Variants in BBS7 observed in about 807,000 individuals in gnomAD.
The protein encoded by BBS7 is BBSome complex member BBS7.
Under a neutral mutation model 90.3 loss-of-function variants are expected in BBS7, and 50 were observed. The observed-to-expected ratio is 0.55, with a 90% confidence interval of 0.44 to 0.70. The LOEUF is 0.70. BBS7 is among the 30% of genes least tolerant of loss of function. BBS7 has a pLI of 0.00. For missense variants in BBS7, 729 were observed against 838.9 expected, an observed-to-expected ratio of 0.87 and a Z score of 1.62; for synonymous variants, 235 against 287.4, an observed-to-expected ratio of 0.82 and a Z score of 1.85.
intron 1 of BBS7, among the ~76,000 whole-genome samples, chr4:121,868,829 G>C (rs189499238): frequency 1.1e-3 from 163 of 152,058 alleles, no homozygotes; most frequent in African/African-American, 2.7e-3. Context: ...AACTGTCACT[G>C]CTGGTGTATA....
intron 10 of BBS7, among the ~76,000 whole-genome samples, chr4:121,846,303 A>T (rs1468407450): frequency 6.6e-6 from 1 of 152,190 alleles, no homozygotes; most frequent in Non-Finnish European, 1.5e-5. Flanking sequence ...GCCACATGCA[A>T]ATGGAGTAAA....
At chr4:121,844,447 A>G (rs1391240392) in intron 11 of BBS7, among the ~76,000 whole-genome samples, 1 of 152,130 alleles carries the variant, frequency 6.6e-6, no homozygotes, top group Non-Finnish European at 1.5e-5. Context: ...AAGCTGTTGC[A>G]CTGTCCTATG....
intron 8 of BBS7, 118 bp downstream of exon 8, chr4:121,852,838 A>G: frequency 9.2e-7 from 1 of 1,082,000 alleles, no homozygotes; most frequent in Non-Finnish European, 1.4e-6. Context: ...CAAAATAGCA[A>G]TATTTTAAAC....
chr4:121,838,503 A>G (rs1278173219), intron 13 of BBS7, among the ~76,000 whole-genome samples: 1 of 152,168 alleles, frequency 6.6e-6, no homozygotes, highest in African/African-American at 2.4e-5. Context: ...TGCTATGGTA[A>G]GTATTTAATT....
At chr4:121,859,895 T>C (rs1290383822) in intron 4 of BBS7, among the ~76,000 whole-genome samples, 1 of 152,140 alleles carries the variant, frequency 6.6e-6, no homozygotes, top group Non-Finnish European at 1.5e-5. Flanking sequence ...TGAACTGAGT[T>C]TTCACTTGGG....
intron 12 of BBS7, among the ~76,000 whole-genome samples, chr4:121,843,300 C>T (rs1725836829): frequency 6.6e-6 from 1 of 152,090 alleles, no homozygotes; most frequent in African/African-American, 2.4e-5. Flanking sequence ...GAAGACGTCT[C>T]TGGTGGTAGT....
intron 9 of BBS7, among the ~76,000 whole-genome samples, chr4:121,848,180 G>A (rs1278565466): frequency 1.3e-5 from 2 of 152,146 alleles, no homozygotes; most frequent in Non-Finnish European, 2.9e-5. Context: ...AAGTAAGAGT[G>A]ATTGACTAAT....
chr4:121,857,619 T>TA (rs1419876660), intron 5 of BBS7, among the ~76,000 whole-genome samples: 2 of 152,110 alleles, frequency 1.3e-5, no homozygotes, highest in Non-Finnish European at 2.9e-5. Flanking sequence ...TACAGATCTT[T>TA]AGTAATTATT....
rs117626872 is a variant in BBS7, at chr4:121,857,470, G to A, written c.528+1522C>T. On this transcript the variant is annotated intron_variant, in intron 5 of 18. Transcript: ENST00000264499. ...TATTAAAATTTACAGATATCTACACGTAACTATATAAACACAAAAGAATAT... is the reference window on the plus strand; with the variant it reads ...TATTAAAATTTACAGATATCTACACATAACTATATAAACACAAAAGAATAT... Among the ~76,000 whole-genome samples, 113 of 152,186 alleles carry A rather than the reference G, an allele frequency of 7.4e-4. 1 individual carries two copies. In the East Asian group the frequency reaches 0.014, roughly 19 times the overall value.
chr4:121,861,568 A>C lies in BBS7; in HGVS notation c.277T>G (p.Phe93Val), dbSNP rs750813339. ...FIAAASEIRGFTKRGKQFLSF... is the reference protein window; with the variant it reads ...FIAAASEIRGVTKRGKQFLSF... ...AGGAACTGTTTTCCTCTTTTTGTGA[A>C]GCCTCTAATCTCAGATGCTGCAGCA... The change falls in exon 4 of 19, where the codon TTC becomes GTC. Residue 93 changes from phenylalanine (F) to valine (V), a missense_variant. Transcript: ENST00000264499. The C allele has an allele frequency of 2.9e-5, 47 of 1,613,718 alleles. No individual in the cohort carries two copies. Among genetic ancestry groups the C allele is most frequent in the Middle Eastern group, 1.6e-4 (1 of 6,082 alleles).
chr4:121,867,650 A>T (rs1727359462), intron 2 of BBS7, among the ~76,000 whole-genome samples: 1 of 152,204 alleles, frequency 6.6e-6, no homozygotes, highest in Non-Finnish European at 1.5e-5. Context: ...TGACTTTAAA[A>T]TATGAGAAAG....
chr4:121,849,072 G>T, intron 8 of BBS7, 144 bp from the exon 9 acceptor site: 9 of 567,562 alleles, frequency 1.6e-5, no homozygotes, highest in African/African-American at 1.9e-5. Context: ...AGATTAGAAA[G>T]ACAAAATATC....
Position 121,825,492 on chromosome 4 carries a change from T to C in BBS7, c.*368A>G, listed in dbSNP as rs1005307763. ...ATAAGGTAATATATAAAAATACATT[T>C]TGAAGCCTATAAAGCGGTCTACATG... On this transcript the variant is annotated 3_prime_UTR_variant, in exon 19 of 19. Coordinates refer to ENST00000264499, the MANE Select transcript of BBS7 (RefSeq NM_176824.3). 4.4e-5 allele frequency: 7 copies of C among 159,390 alleles called. No individual in the cohort carries two copies. Among genetic ancestry groups the C allele is most frequent in the Admixed American group, 2.5e-4 (4 of 15,902 alleles). 9.9% of individuals were successfully genotyped at this position (159,390 alleles called of 1,614,324 possible).
At chr4:121,827,414 C>G (rs763260040) in intron 18 of BBS7, among the ~76,000 whole-genome samples, 30 of 152,046 alleles carry the variant, frequency 2.0e-4, no homozygotes, top group Non-Finnish European at 4.0e-4. Flanking sequence ...CACTAACTTG[C>G]TAGGTGACAA....
At chr4:121,860,730 C>T (rs1463483512) in intron 4 of BBS7, among the ~76,000 whole-genome samples, 2 of 152,114 alleles carry the variant, frequency 1.3e-5, no homozygotes, top group Admixed American at 6.6e-5. Flanking sequence ...TCTAATTTCA[C>T]CAAGCCAATG....
At position 121,851,806 on chromosome 4, in the gene BBS7, C is replaced by T. The variant is rs559440334; in HGVS notation, c.849+1150G>A. On this transcript the variant is annotated intron_variant, in intron 8 of 18. Coordinates refer to ENST00000264499, the MANE Select transcript of BBS7 (RefSeq NM_176824.3). ...GTGACGATGTGAATCCAAGATGAGG[C>T]AGAGTATTCCCAACCTAAGCATAAC... 6.1e-4 allele frequency among the ~76,000 whole-genome samples: 93 copies of T among 152,348 alleles called. 1 individual carries two copies. The highest frequency in any genetic ancestry group is 2.2e-3 in the African/African-American group (90 of 41,588).
intron 12 of BBS7, among the ~76,000 whole-genome samples, chr4:121,841,959 A>G (rs1725760554): frequency 6.6e-6 from 1 of 152,204 alleles, no homozygotes; most frequent in African/African-American, 2.4e-5. Context: ...ATGAAGTTAT[A>G]TTGAAAAACA....
chr4:121,863,039 A>G (rs1727069053), intron 3 of BBS7, among the ~76,000 whole-genome samples, 178 bp downstream of exon 3: 1 of 152,224 alleles, frequency 6.6e-6, no homozygotes, highest in Non-Finnish European at 1.5e-5. Context: ...AAGGTGCCTT[A>G]CAACTAGCTA....
intron 5 of BBS7, among the ~76,000 whole-genome samples, chr4:121,857,313 C>G (rs554317948): frequency 1.3e-5 from 2 of 151,980 alleles, no homozygotes; most frequent in South Asian, 4.1e-4. Context: ...AGATGGGGGT[C>G]TCGCTATGTT....
Sources: allele counts gnomAD v4.1 joint callset (sites outside exome capture counted in the v4.1 genomes callset), GRCh38; gene constraint gnomAD v4.1.1; transcripts MANE v1.5; gene names NCBI Gene and HGNC (gene_info 2026-07-23, HGNC 2026-07-21).